Variants in AGBL1 observed in about 807,000 individuals in gnomAD.
AGBL1 encodes the protein cytosolic carboxypeptidase 4.
AGBL1 carries 130 observed loss-of-function variants against 118.9 expected under a neutral mutation model. The observed-to-expected ratio is 1.09, with a 90% CI of 0.95 to 1.26. The LOEUF (loss-of-function observed/expected upper bound fraction) is 1.26. Among genes scored for constraint, AGBL1 ranks in the 50% most tolerant of loss-of-function variants. AGBL1 has a pLI of 0.00. For synonymous variants in AGBL1, 555 were observed against 478.9 expected, an observed-to-expected ratio of 1.16 and a Z score of -2.08; for missense variants, 1,584 against 1,298.1, an observed-to-expected ratio of 1.22 and a Z score of -3.38.
At chr15:86,808,684 C>T (rs1167360421) in intron 22 of AGBL1, among the ~76,000 whole-genome samples, 1 of 140,386 alleles carries the variant, frequency 7.1e-6, no homozygotes, top group East Asian at 2.1e-4. Flanking sequence ...TCTTTCCTTC[C>T]TTTTTCCTTC....
At chr15:86,158,165 A>G (rs931486436) in intron 4 of AGBL1, among the ~76,000 whole-genome samples, 1 of 152,170 alleles carries the variant, frequency 6.6e-6, no homozygotes, top group African/African-American at 2.4e-5. Flanking sequence ...ATATGCATGG[A>G]CGATGTTCCA....
intron 23 of AGBL1, among the ~76,000 whole-genome samples, chr15:86,927,761 G>T (rs1216158172): frequency 6.6e-6 from 1 of 151,968 alleles, no homozygotes; most frequent in Non-Finnish European, 1.5e-5. Flanking sequence ...GTCAATCATT[G>T]TGTCTGCTTG....
intron 22 of AGBL1, among the ~76,000 whole-genome samples, chr15:86,778,474 C>A (rs542012441): frequency 3.5e-4 from 53 of 152,226 alleles, no homozygotes; most frequent in African/African-American, 1.1e-3. Flanking sequence ...ACGGCCACCC[C>A]CCGAAGCGGC....
At chr15:86,450,068 T>C (rs1358415042) in intron 18 of AGBL1, among the ~76,000 whole-genome samples, 1 of 152,218 alleles carries the variant, frequency 6.6e-6, no homozygotes, top group Admixed American at 6.5e-5. Flanking sequence ...CTGCCATCAA[T>C]GCCCAGTGAC....
At chr15:86,194,740 G>A (rs779564032) in intron 5 of AGBL1, among the ~76,000 whole-genome samples, 3 of 152,210 alleles carry the variant, frequency 2.0e-5, no homozygotes, top group Non-Finnish European at 4.4e-5. Flanking sequence ...GCACAGAACA[G>A]GTAACCCTCT....
chr15:86,662,515 A>C (rs1410323310), intron 21 of AGBL1, among the ~76,000 whole-genome samples: 4 of 152,188 alleles, frequency 2.6e-5, no homozygotes, highest in Non-Finnish European at 5.9e-5. Context: ...TAAAGTAGAG[A>C]GATCTTGCTG....
intron 5 of AGBL1, among the ~76,000 whole-genome samples, chr15:86,159,556 T>C (rs909735003): frequency 1.2e-4 from 18 of 152,112 alleles, no homozygotes; most frequent in African/African-American, 4.1e-4. Flanking sequence ...ATTTTTATGA[T>C]TGGAAAATGA....
At chr15:86,398,697 A>G (rs2081402411) in intron 18 of AGBL1, among the ~76,000 whole-genome samples, 1 of 152,200 alleles carries the variant, frequency 6.6e-6, no homozygotes, top group Non-Finnish European at 1.5e-5. Context: ...TCAATTTTTA[A>G]GAAACAATTT....
intron 1 of AGBL1, 151 bp downstream of exon 1, chr15:86,080,174 T>G: frequency 2.2e-6 from 1 of 446,770 alleles, no homozygotes; most frequent in African/African-American, 2.0e-5. Context: ...ACCTTGAAGC[T>G]GACCTAAGTG....
At chr15:86,126,860 C>T (rs1313367450) in intron 1 of AGBL1, among the ~76,000 whole-genome samples, 1 of 152,158 alleles carries the variant, frequency 6.6e-6, no homozygotes, top group Non-Finnish European at 1.5e-5. Context: ...CCACATAGCA[C>T]TGAGATTCCT....
rs2076800790 is a variant in AGBL1 at position 86,130,135 on chromosome 15, T to C, written c.52-11869T>C. Among the ~76,000 whole-genome samples the C allele has an allele frequency of 2.0e-5, 3 of 152,042 alleles. No individual in the cohort carries two copies. In the South Asian group the frequency reaches 6.2e-4, roughly 32 times the overall value. ...GGCCTCTTTTATATGTCTCACTCTA[T>C]ACTGGAGCATGAGGGACACCTTTAG... is the stretch of plus-strand genomic sequence containing the variant. On this transcript the variant is annotated intron_variant, in intron 1 of 22. Transcript: ENST00000614907.
At chr15:86,268,645 G>A (rs1049423258) in intron 13 of AGBL1, among the ~76,000 whole-genome samples, 4 of 152,158 alleles carry the variant, frequency 2.6e-5, no homozygotes, top group Non-Finnish European at 2.9e-5. Context: ...AGCACTGTGG[G>A]AATAGCAGAC....
rs927358277 is a variant in AGBL1 at position 86,607,501 on chromosome 15, G to A, written c.2994+52964G>A. 7.9e-5 allele frequency among the ~76,000 whole-genome samples: 12 copies of A among 152,266 alleles called. 1 individual carries two copies. Among genetic ancestry groups the A allele is most frequent in the Admixed American group, 4.6e-4 (7 of 15,274 alleles). On this transcript the variant is annotated intron_variant, in intron 21 of 22. Transcript: ENST00000614907. ...TGATTTTGTAGGAAACCACCAAACTGTCTTTCAAAGTGGCTGTGGCATTTT... is the reference window on the plus strand; with the variant it reads ...TGATTTTGTAGGAAACCACCAAACTATCTTTCAAAGTGGCTGTGGCATTTT...
intron 22 of AGBL1, among the ~76,000 whole-genome samples, chr15:86,714,909 C>T (rs555039666): frequency 2.0e-5 from 3 of 152,128 alleles, no homozygotes; most frequent in African/African-American, 7.2e-5. Flanking sequence ...AGTCTGCACT[C>T]CAAGTATTTT....
At chr15:86,616,374 G>GAAAAAAAAAAA (rs2084725990) in intron 21 of AGBL1, among the ~76,000 whole-genome samples, 1 of 142,396 alleles carries the variant, frequency 7.0e-6, no homozygotes, top group African/African-American at 2.8e-5. Flanking sequence ...AAAAAAAAAT[G>GAAAAAAAAAAA]AAGATGGAAA....
intron 21 of AGBL1, among the ~76,000 whole-genome samples, chr15:86,573,166 C>A (rs2084034990): frequency 6.6e-6 from 1 of 152,168 alleles, no homozygotes; most frequent in Admixed American, 6.5e-5. Flanking sequence ...TATGTATATA[C>A]AACTAAAAGC....
At chr15:87,014,507 A>G (rs953862952) in intron 24 of AGBL1, among the ~76,000 whole-genome samples, 3 of 152,174 alleles carry the variant, frequency 2.0e-5, no homozygotes, top group Admixed American at 1.3e-4. Context: ...GGGCTTTAAT[A>G]ACTTGGATGA....
chr15:86,252,109 A>C (rs1362092420), intron 7 of AGBL1, among the ~76,000 whole-genome samples: 1 of 152,214 alleles, frequency 6.6e-6, no homozygotes, highest in Non-Finnish European at 1.5e-5. Context: ...AAGATTCTGC[A>C]TTTCTAACGA....
At chr15:86,312,030 A>G (rs1217928093) in intron 17 of AGBL1, 3 of 152,308 alleles carry the variant, frequency 2.0e-5, no homozygotes, top group South Asian at 2.1e-4. Context: ...TTTTTTCACA[A>G]TGAATGTTCA....
Sources: gnomAD v4.1 joint callset for allele counts (sites outside exome capture counted in the v4.1 genomes callset) on GRCh38, gnomAD v4.1.1 for gene constraint, MANE v1.5 for transcripts, NCBI Gene and HGNC (gene_info 2026-07-23, HGNC 2026-07-21) for gene names.